Variants in BLTP2 observed in about 807,000 individuals in gnomAD.
BLTP2 encodes the protein U937-associated antigen.
chr17:28,632,026 C>T, the BLTP2 span: 1 of 1,610,546 alleles, frequency 6.2e-7, no homozygotes, highest in African/African-American at 1.3e-5. Flanking sequence ...GTGAAGATGT[C>T]AGCAGGGACA....
chr17:28,645,018 T>A, the BLTP2 span: 6 of 1,599,674 alleles, frequency 3.8e-6, no homozygotes. Context: ...TAAGCGCAAC[T>A]AGCAGCAAGA....
chr17:28,632,058 G>A, the BLTP2 span: 1 of 1,612,236 alleles, frequency 6.2e-7, no homozygotes, highest in African/African-American at 1.3e-5. Context: ...CCTGCAGCTG[G>A]GGAAAGAGGG....
At chr17:28,639,799 C>A in the BLTP2 span, 2 of 1,483,800 alleles carry the variant, frequency 1.3e-6, no homozygotes, top group African/African-American at 2.8e-5. Flanking sequence ...TTCCACTCCC[C>A]AGTTACACTG....
chr17:28,620,648 G>A, the BLTP2 span: 3 of 1,611,444 alleles, frequency 1.9e-6, no homozygotes, highest in African/African-American at 4.0e-5. Context: ...ATTGTTAGCA[G>A]CTAAATAAAA....
At chr17:28,632,503 G>A in the BLTP2 span, among the ~76,000 whole-genome samples, 2 of 152,062 alleles carry the variant, frequency 1.3e-5, no homozygotes, top group East Asian at 3.9e-4. Flanking sequence ...TGGGCCTCTG[G>A]GAGGTCACTA....
chr17:28,634,197 G>C, the BLTP2 span: 16 of 964,166 alleles, frequency 1.7e-5, no homozygotes, highest in Non-Finnish European at 6.1e-6. Flanking sequence ...AAAGTCAATT[G>C]AGAGAACAAG....
At chr17:28,643,662 A>G in the BLTP2 span, 5 of 1,614,016 alleles carry the variant, frequency 3.1e-6, no homozygotes, top group Non-Finnish European at 4.2e-6. Context: ...TCAATTTCCT[A>G]AAACAGTGAG....
chr17:28,619,936 A>G, the BLTP2 span: 1 of 1,614,130 alleles, frequency 6.2e-7, no homozygotes, highest in East Asian at 2.2e-5. Context: ...CTGCAAATGC[A>G]GTATGCTGCT....
the BLTP2 span, chr17:28,635,285 C>T: frequency 6.2e-7 from 1 of 1,614,198 alleles, no homozygotes; most frequent in Non-Finnish European, 8.5e-7. Context: ...GGACAGTATG[C>T]CTGCAGGGAA....
chr17:28,619,082 C>T, the BLTP2 span: 1 of 774,922 alleles, frequency 1.3e-6, no homozygotes, highest in Non-Finnish European at 2.0e-6. Context: ...TTAACCTATT[C>T]TGGGTTAGCC....
chr17:28,645,024 C>A, the BLTP2 span: 1 of 1,601,180 alleles, frequency 6.2e-7, no homozygotes, highest in South Asian at 1.1e-5. Flanking sequence ...CAACTAGCAG[C>A]AAGACCAACA....
chr17:28,614,901 T>A, the BLTP2 span: 1 of 683,330 alleles, frequency 1.5e-6, no homozygotes, highest in Non-Finnish European at 2.5e-6. Context: ...AGCATTACTG[T>A]CCACCATGCC....
chr17:28,635,603 A>C, the BLTP2 span: 1 of 1,610,008 alleles, frequency 6.2e-7, no homozygotes, highest in Non-Finnish European at 8.5e-7. Flanking sequence ...CCTGCACCAC[A>C]CTGAACCTTT....
the BLTP2 span, chr17:28,619,856 CT>C: frequency 6.2e-7 from 1 of 1,613,852 alleles, no homozygotes; most frequent in Non-Finnish European, 8.5e-7. Flanking sequence ...TCTGCAGTGA[CT>C]ACCTTCATGA....
At chr17:28,639,479 A>C in the BLTP2 span, 1 of 1,613,408 alleles carries the variant, frequency 6.2e-7, no homozygotes, top group Non-Finnish European at 8.5e-7. Flanking sequence ...AGAAGACCAG[A>C]ACTGTGGGTT....
the BLTP2 span, chr17:28,636,958 A>G: frequency 1.2e-6 from 2 of 1,612,640 alleles, no homozygotes; most frequent in Non-Finnish European, 1.7e-6. Flanking sequence ...CTCCACAGGA[A>G]CATTACCTCC....
At chr17:28,616,341 C>T in the BLTP2 span, 8 of 1,613,746 alleles carry the variant, frequency 5.0e-6, no homozygotes, top group East Asian at 2.2e-5. This position sits in a 1 kb window ranked among gnomAD's most constrained non-coding sequence, Gnocchi z 4.8. Context: ...GACCTCAAGA[C>T]TCTCCCATTT....
chr17:28,639,224 A>C, the BLTP2 span: 5 of 1,339,662 alleles, frequency 3.7e-6, no homozygotes, highest in Admixed American at 8.5e-5. Flanking sequence ...CAAACAACCA[A>C]ATACATATTT....
chr17:28,643,137 C>T, the BLTP2 span: 1 of 1,614,044 alleles, frequency 6.2e-7, no homozygotes, highest in Non-Finnish European at 8.5e-7. Context: ...AAAGTACAGT[C>T]CAGGATAGCA....
Sources: gnomAD v4.1 joint callset for allele counts (sites outside exome capture counted in the v4.1 genomes callset) on GRCh38, gnomAD v4.1.1 for gene constraint, Gnocchi (gnomAD v3.1) non-coding constraint, MANE v1.5 for transcripts, NCBI Gene and HGNC (gene_info 2026-07-23, HGNC 2026-07-21) for gene names.